Variants in LRP1B observed in about 807,000 individuals in gnomAD.
LRP1B encodes the protein low-density lipoprotein receptor-related protein 1B.
In LRP1B, 217 loss-of-function variants were observed where a neutral mutation model predicts 556.6. The observed-to-expected ratio is 0.39, with a 90% CI of 0.35 to 0.44. LRP1B has a LOEUF of 0.44. Ranked by LOEUF, LRP1B falls within the 20% of genes least tolerant of loss-of-function variation. The pLI, the probability that LRP1B is intolerant of heterozygous loss-of-function variation, is 1.00. For synonymous variants in LRP1B, 2,047 were observed against 1,865.8 expected (o/e 1.10, Z -2.50); for missense variants, 5,053 against 5,620.8 (o/e 0.90, Z 3.23).
chr2:141,211,090 C>T (rs961710071), intron 6 of LRP1B, among the ~76,000 whole-genome samples: 1 of 151,976 alleles, frequency 6.6e-6, no homozygotes, highest in African/African-American at 2.4e-5. Flanking sequence ...CAGGTTCAAG[C>T]GATTCTCCTG....
chr2:140,443,195 G>T lies in LRP1B; in HGVS notation c.10295-572C>A, dbSNP rs1052364080. Among the ~76,000 whole-genome samples, 23 of 151,996 alleles carry T rather than the reference G, an allele frequency of 1.5e-4. 1 individual carries two copies. The highest frequency in any genetic ancestry group is 5.6e-4 in the African/African-American group (23 of 41,360). ...CCTGCCTCAGCCTCCCAAGTAGCTG[G>T]GATTATAGGCACCTACCACTGCGCC... On this transcript the variant is annotated intron_variant, in intron 65 of 90. Coordinates refer to ENST00000389484, the MANE Select transcript of LRP1B (RefSeq NM_018557.3).
chr2:140,545,144 T>A (rs1408508329), intron 43 of LRP1B, among the ~76,000 whole-genome samples: 1 of 151,652 alleles, frequency 6.6e-6, no homozygotes, highest in Non-Finnish European at 1.5e-5. Context: ...TATGAGTTTT[T>A]TTTTTTTGTA....
At chr2:141,223,583 C>G (rs1281632294) in intron 6 of LRP1B, among the ~76,000 whole-genome samples, 1 of 151,868 alleles carries the variant, frequency 6.6e-6, no homozygotes, top group African/African-American at 2.4e-5. Flanking sequence ...AAGCCAATCC[C>G]AAGAAAAAGA....
At chr2:140,673,491 T>C (rs1040415963) in intron 41 of LRP1B, among the ~76,000 whole-genome samples, 1 of 152,164 alleles carries the variant, frequency 6.6e-6, no homozygotes, top group East Asian at 1.9e-4. Context: ...TACAGTTTTT[T>C]CCACCATGCT....
chr2:140,427,827 G>A (rs908441602), intron 66 of LRP1B, among the ~76,000 whole-genome samples: 2 of 151,810 alleles, frequency 1.3e-5, no homozygotes, highest in East Asian at 1.9e-4. Context: ...CTAGGTCCCA[G>A]TTCTTCCTCA....
At chr2:142,096,511 T>C (rs552014088) in intron 1 of LRP1B, among the ~76,000 whole-genome samples, 1 of 151,576 alleles carries the variant, frequency 6.6e-6, no homozygotes, top group East Asian at 1.9e-4. Flanking sequence ...ACCTTTATGG[T>C]GAATCTATTT....
intron 1 of LRP1B, among the ~76,000 whole-genome samples, chr2:141,890,323 CATATATATAT>C (rs556472129): frequency 8.4e-5 from 7 of 83,816 alleles, no homozygotes; most frequent in African/African-American, 2.2e-4. Context: ...GGGCACAATA[CATATATATAT>C]ATATATATAT....
At chr2:141,139,780 AATGTGTGTGTGT>A (rs1174894516) in intron 7 of LRP1B, among the ~76,000 whole-genome samples, 1 of 100,746 alleles carries the variant, frequency 9.9e-6, no homozygotes, top group Non-Finnish European at 2.1e-5. Context: ...ACATTGGAAA[AATGTGTGTGTGT>A]GTGTGTGTGT....
At chr2:141,739,984 A>G (rs1282164581) in intron 2 of LRP1B, among the ~76,000 whole-genome samples, 1 of 152,130 alleles carries the variant, frequency 6.6e-6, no homozygotes, top group Non-Finnish European at 1.5e-5. Flanking sequence ...TGTACCACAA[A>G]TCAATGTTGA....
At chr2:141,624,846 T>G (rs960800950) in intron 2 of LRP1B, among the ~76,000 whole-genome samples, 3 of 152,202 alleles carry the variant, frequency 2.0e-5, no homozygotes, top group African/African-American at 7.2e-5. Context: ...CTCGGCTCAC[T>G]GCAAGCTCCG....
At chr2:142,036,690 A>G (rs1703893926) in intron 1 of LRP1B, among the ~76,000 whole-genome samples, 2 of 151,694 alleles carry the variant, frequency 1.3e-5, no homozygotes, top group Non-Finnish European at 3.0e-5. Flanking sequence ...TAAAATTGGC[A>G]TAGCTGCTTT....
In LRP1B at chr2:140,239,424, T is replaced by G. The variant is rs369982620; in HGVS notation, c.13415+18A>C. The G allele has an allele frequency of 6.6e-7, 1 of 1,511,024 alleles. No individual in the cohort carries two copies. The highest frequency in any genetic ancestry group is 9.1e-7 in the Non-Finnish European group (1 of 1,097,678). The allele number at this position is 1,511,024 out of a possible 1,614,324, so 93.6% of individuals were successfully genotyped here. On this transcript the variant is annotated intron_variant, in intron 88 of 90. Coordinates refer to ENST00000389484, the MANE Select transcript of LRP1B (RefSeq NM_018557.3). ...GTGATTTATTCACTGACTGCTAATCTAGAACATTGCATCTTACCTTCTTTT... is the reference window on the plus strand; with the variant it reads ...GTGATTTATTCACTGACTGCTAATCGAGAACATTGCATCTTACCTTCTTTT...
At chr2:141,338,628 G>A (rs1357030) in intron 3 of LRP1B, among the ~76,000 whole-genome samples, 70 of 152,212 alleles carry the variant, frequency 4.6e-4, no homozygotes, top group African/African-American at 1.5e-3. Context: ...GGAAGTGTCC[G>A]TATTCTATTC....
At chr2:140,833,125 G>C (rs1691774319) in intron 31 of LRP1B, among the ~76,000 whole-genome samples, 3 of 152,124 alleles carry the variant, frequency 2.0e-5, no homozygotes, top group Admixed American at 2.0e-4. Context: ...CTTGTACTCT[G>C]AGCTGTCAGG....
At chr2:140,482,707 A>C (rs1688292861) in intron 59 of LRP1B, among the ~76,000 whole-genome samples, 1 of 152,142 alleles carries the variant, frequency 6.6e-6, no homozygotes, top group African/African-American at 2.4e-5. Context: ...TATTAAAATG[A>C]AGAAAGGACC....
intron 7 of LRP1B, among the ~76,000 whole-genome samples, chr2:141,178,033 T>G (rs890676320): frequency 6.6e-6 from 1 of 152,130 alleles, no homozygotes; most frequent in Non-Finnish European, 1.5e-5. Context: ...GTTATTGGTA[T>G]GTAGAAGTAA....
At chr2:141,229,063 T>A (rs1284968786) in intron 6 of LRP1B, 120 bp downstream of exon 6, 1 of 932,386 alleles carries the variant, frequency 1.1e-6, no homozygotes, top group East Asian at 2.4e-5. Context: ...AAGTTCATTG[T>A]ATTTGCACAT....
chr2:140,240,374 A>T (rs532183116), intron 87 of LRP1B, among the ~76,000 whole-genome samples: 9 of 150,862 alleles, frequency 6.0e-5, no homozygotes, highest in African/African-American at 2.2e-4. Flanking sequence ...GTTTTTATGC[A>T]TCTGAGCACA....
At chr2:141,791,090 C>G (rs1437341) in intron 2 of LRP1B, among the ~76,000 whole-genome samples, 63,906 of 151,532 alleles carry the variant, frequency 0.42, 13,859 homozygotes, top group Middle Eastern at 0.56. Context: ...ATATTTTTAT[C>G]TCTATCAAGA....
Sources: allele counts gnomAD v4.1 joint callset (sites outside exome capture counted in the v4.1 genomes callset), GRCh38; gene constraint gnomAD v4.1.1; transcripts MANE v1.5; gene names NCBI Gene and HGNC (gene_info 2026-07-23, HGNC 2026-07-21).